The following GSKIP variants were observed in gnomAD, a reference collection of about 807,000 sequenced individuals.
GSKIP encodes GSK3B interacting protein, also known as GSK3B-interacting protein.
In GSKIP, 5 loss-of-function variants were observed where a neutral mutation model predicts 11.9. That is an observed-to-expected ratio of 0.42 (90% CI 0.22 to 0.89). The LOEUF is 0.89. Ranked by LOEUF, GSKIP falls within the 40% of genes least tolerant of loss-of-function variation. GSKIP has a pLI of 0.29. For synonymous variants in GSKIP, 70 were observed against 62.9 expected (o/e 1.11, Z -0.54); for missense variants, 150 against 166.6 (o/e 0.90, Z 0.55).
intron 1 of GSKIP, 77 bp downstream of exon 1, chr14:96,363,645 G>C (rs2139921058): frequency 6.6e-6 from 1 of 152,290 alleles, no homozygotes; most frequent in East Asian, 2.0e-4. Context: ...CCGGCGGGCC[G>C]TCAGGCCTTC....
rs891617698 is a variant in GSKIP, at chr14:96,363,561, G to A, written c.-110G>A. On this transcript the variant is annotated 5_prime_UTR_variant, in exon 1 of 4. Transcript: ENST00000555181. ...GGAGGAAGGAAGAAGAGGACGCCGGGCGCGCAGGTGAGCGGCAGCCGGGGT... is the reference window on the plus strand; with the variant it reads ...GGAGGAAGGAAGAAGAGGACGCCGGACGCGCAGGTGAGCGGCAGCCGGGGT... 2 of 152,934 alleles carry A rather than the reference G, an allele frequency of 1.3e-5. No homozygotes were observed. The highest frequency in any genetic ancestry group is 2.9e-5 in the Non-Finnish European group (2 of 68,354). 9.5% of individuals were successfully genotyped at this position (152,934 alleles called of 1,614,324 possible). A position where few individuals can be genotyped will look rare whatever the true frequency, so the allele number is the denominator to read the frequency against.
At position 96,386,005 on chromosome 14, in the gene GSKIP, A is replaced by G. The variant is rs1462448859; in HGVS notation, c.*321A>G. On this transcript the variant is annotated 3_prime_UTR_variant, in exon 4 of 4. Transcript: ENST00000555181. ...ATGCTGCCAGCACTGTCTTTTACAT[A>G]GGAAATTCTAGATTTGCACAGTAAT... The G allele has an allele frequency of 5.1e-6, 1 of 194,968 alleles. No homozygotes were observed. Among genetic ancestry groups the G allele is most frequent in the African/African-American group, 2.4e-5 (1 of 42,368 alleles). 12.1% of individuals were successfully genotyped at this position (194,968 alleles called of 1,614,324 possible).
intron 1 of GSKIP, among the ~76,000 whole-genome samples, chr14:96,374,561 G>C (rs567515121): frequency 4.6e-5 from 7 of 152,194 alleles, no homozygotes; most frequent in African/African-American, 1.7e-4. Flanking sequence ...AGAGACACAG[G>C]CTCTTACTAT....
At chr14:96,384,611 A>G (rs1889438375) in intron 3 of GSKIP, 1 of 152,134 alleles carries the variant, frequency 6.6e-6, no homozygotes, top group Admixed American at 6.5e-5. Context: ...GAAAAAAAAA[A>G]AAAGAAAAAC....
Position 96,386,930 on chromosome 14 carries a change from T to G in GSKIP, c.*1246T>G, listed in dbSNP as rs554758998. The G allele has an allele frequency of 7.2e-5, 11 of 152,622 alleles. No individual in the cohort carries two copies. Among genetic ancestry groups the G allele is most frequent in the Admixed American group, 4.6e-4 (7 of 15,310 alleles). The allele number at this position is 152,622 out of a possible 1,614,324, so 9.5% of individuals were successfully genotyped here. ...TTGCATCTGGTCATACCTTCATGCA[T>G]TTATCATTTGCAGATATTTTTCCAT... On this transcript the variant is annotated 3_prime_UTR_variant, in exon 4 of 4. Coordinates refer to ENST00000555181, the MANE Select transcript of GSKIP (RefSeq NM_016472.5).
At chr14:96,384,713 A>G (rs1889441494) in intron 3 of GSKIP, 1 of 152,142 alleles carries the variant, frequency 6.6e-6, no homozygotes, top group Non-Finnish European at 1.5e-5. Flanking sequence ...AGGACAATAT[A>G]TTAAATGGAT....
At position 96,379,766 on chromosome 14, in the gene GSKIP, C is replaced by A. The variant is rs1210098429; in HGVS notation, c.-24C>A. The A allele has an allele frequency of 6.6e-6, 1 of 152,086 alleles. No homozygotes were observed. Among genetic ancestry groups the A allele is most frequent in the African/African-American group, 2.4e-5 (1 of 41,416 alleles). The allele number at this position is 152,086 out of a possible 1,614,324, so 9.4% of individuals were successfully genotyped here. A position where few individuals can be genotyped will look rare whatever the true frequency, so the allele number is the denominator to read the frequency against. ...ATTCCTTCCCTTCAGGTACTGGATT[C>A]TTGATCTTTCTGCATCATCAAGGTC... On this transcript the variant is annotated 5_prime_UTR_variant, in exon 2 of 4. Transcript: ENST00000555181.
chr14:96,369,595 A>G (rs1266530139), intron 1 of GSKIP, among the ~76,000 whole-genome samples: 1 of 152,136 alleles, frequency 6.6e-6, no homozygotes, highest in African/African-American at 2.4e-5. Context: ...TCTGTTTCAA[A>G]GGGCTCCAGG....
At position 96,373,251 on chromosome 14, in the gene GSKIP, A is replaced by T. The variant is rs75046750; in HGVS notation, c.-102-6437A>T. 3.5e-3 allele frequency among the ~76,000 whole-genome samples: 502 copies of T among 142,788 alleles called. No individual in the cohort carries two copies. The Middle Eastern group carries it at 0.035, about 10-fold the overall frequency. The allele number at this position is 142,788 out of a possible 152,430, so 93.7% of individuals were successfully genotyped here. On this transcript the variant is annotated intron_variant, in intron 1 of 3. Coordinates refer to ENST00000555181, the MANE Select transcript of GSKIP (RefSeq NM_016472.5). ...TCTCAAAAAAAAAAAAAAAAAAAAA[A>T]AGAAAGGAGGATACTCAGTTTGGGA...
chr14:96,380,900 C>G (rs1374260351), intron 2 of GSKIP, among the ~76,000 whole-genome samples: 1 of 152,164 alleles, frequency 6.6e-6, no homozygotes, highest in East Asian at 1.9e-4. Flanking sequence ...TCTTACCAGT[C>G]TAATCTAACT....
intron 1 of GSKIP, among the ~76,000 whole-genome samples, chr14:96,370,508 G>A (rs1889016105): frequency 6.6e-6 from 1 of 152,264 alleles, no homozygotes; most frequent in Middle Eastern, 3.4e-3. Context: ...GGGTTGGGGG[G>A]CCAGTTTGAG....
chr14:96,380,359 G>A (rs961133333), intron 2 of GSKIP: 4 of 152,146 alleles, frequency 2.6e-5, no homozygotes, highest in African/African-American at 4.8e-5. Flanking sequence ...TCTGACTTTT[G>A]TAATGTGCAA....
chr14:96,372,955 G>A (rs1889091043), intron 1 of GSKIP, among the ~76,000 whole-genome samples: 1 of 152,172 alleles, frequency 6.6e-6, no homozygotes. Flanking sequence ...GAGGGGCCAG[G>A]TGCTGTGGCT....
intron 1 of GSKIP, among the ~76,000 whole-genome samples, chr14:96,365,486 C>T (rs950088363): frequency 1.3e-4 from 2 of 15,994 alleles, no homozygotes; most frequent in Non-Finnish European, 2.8e-4. Context: ...GGGGGTGGGG[C>T]GGGCGGGGCG....
intron 1 of GSKIP, among the ~76,000 whole-genome samples, chr14:96,370,090 T>G (rs935193968): frequency 6.6e-6 from 1 of 152,244 alleles, no homozygotes; most frequent in African/African-American, 2.4e-5. Context: ...ATGTCTGCCC[T>G]GATGGGCTTT....
intron 1 of GSKIP, among the ~76,000 whole-genome samples, chr14:96,367,114 C>T (rs1285763591): frequency 6.6e-6 from 1 of 152,156 alleles, no homozygotes; most frequent in East Asian, 1.9e-4. Flanking sequence ...GTGTTAAATA[C>T]TTTTAATATA....
At chr14:96,385,437 A>C in intron 3 of GSKIP, 86 bp from the exon 4 acceptor site, 2 of 1,003,758 alleles carry the variant, frequency 2.0e-6, no homozygotes, top group Non-Finnish European at 3.0e-6. Context: ...TTTTTTTGAA[A>C]GGATGATTAC....
intron 2 of GSKIP, among the ~76,000 whole-genome samples, 200 bp from the exon 3 acceptor site, chr14:96,382,047 T>C (rs1289401087): frequency 6.6e-6 from 1 of 152,180 alleles, no homozygotes; most frequent in Non-Finnish European, 1.5e-5. Context: ...AGATTCTTTT[T>C]TTTGAAGATC....
intron 1 of GSKIP, among the ~76,000 whole-genome samples, chr14:96,377,209 G>A (rs1275921228): frequency 6.6e-5 from 10 of 152,180 alleles, no homozygotes; most frequent in Non-Finnish European, 8.8e-5. Flanking sequence ...ACTTCAGATG[G>A]CTATTAGCTG....
Sources: allele counts gnomAD v4.1 joint callset (sites outside exome capture counted in the v4.1 genomes callset), GRCh38; gene constraint gnomAD v4.1.1; transcripts MANE v1.5; gene names NCBI Gene and HGNC (gene_info 2026-07-23, HGNC 2026-07-21).